The following THNSL1 variants were observed in gnomAD, a reference collection of about 807,000 sequenced individuals.
The protein encoded by THNSL1 is threonine synthase like 1.
A neutral mutation model predicts 50.4 loss-of-function variants in THNSL1; 48 were observed. The observed-to-expected ratio is 0.95, with a 90% CI of 0.76 to 1.21. The LOEUF (loss-of-function observed/expected upper bound fraction) is 1.21, where lower values mean the gene tolerates loss of function less well. Ranked by LOEUF, THNSL1 falls within the 50% of genes most tolerant of loss-of-function variation. The pLI is 0.00. For synonymous variants in THNSL1, 309 were observed against 306.1 expected (o/e 1.01, Z -0.10); for missense variants, 896 against 871.7 (o/e 1.03, Z -0.35).
At chr10:24,963,683 A>G in the THNSL1 span, among the ~76,000 whole-genome samples, 1 of 152,212 alleles carries the variant, frequency 6.6e-6, no homozygotes, top group Non-Finnish European at 1.5e-5. Flanking sequence ...AAATTTTGAC[A>G]TTAAAAGCAA....
chr10:24,989,302 C>A, the THNSL1 span, among the ~76,000 whole-genome samples: 1 of 152,174 alleles, frequency 6.6e-6, no homozygotes, highest in African/African-American at 2.4e-5. Flanking sequence ...TTGCAGCAGA[C>A]CATTTCTGAA....
At chr10:24,996,169 C>T in the THNSL1 span, among the ~76,000 whole-genome samples, 6 of 152,030 alleles carry the variant, frequency 3.9e-5, no homozygotes, top group Non-Finnish European at 8.8e-5. Flanking sequence ...TTGAGGAGGC[C>T]GGGCACGGTG....
chr10:24,997,105 T>C, the THNSL1 span, among the ~76,000 whole-genome samples: 2 of 152,172 alleles, frequency 1.3e-5, no homozygotes, highest in African/African-American at 4.8e-5. Context: ...TCCCAGCTAC[T>C]TGGGAGGCTG....
At chr10:24,988,382 A>G in the THNSL1 span, among the ~76,000 whole-genome samples, 3 of 144,912 alleles carry the variant, frequency 2.1e-5, no homozygotes, top group Non-Finnish European at 3.0e-5. Context: ...ATATGTATAT[A>G]TGTGTATATA....
the THNSL1 span, among the ~76,000 whole-genome samples, chr10:24,966,600 G>A: frequency 5.1e-4 from 78 of 152,184 alleles, no homozygotes; most frequent in Non-Finnish European, 8.7e-4. Flanking sequence ...GGATTAAAAC[G>A]GATGGAATAT....
chr10:25,017,492 G>A (rs1420349410), intron 1 of THNSL1, among the ~76,000 whole-genome samples: 4 of 152,062 alleles, frequency 2.6e-5, no homozygotes, highest in Non-Finnish European at 5.9e-5. Context: ...GTTGGCTGGC[G>A]GAGTGATTAA....
chr10:24,989,446 G>A, the THNSL1 span, among the ~76,000 whole-genome samples: 2,562 of 152,246 alleles, frequency 0.017, 78 homozygotes, highest in African/African-American at 0.059. Context: ...CCCAGCTAAC[G>A]ATCTACAATC....
chr10:24,999,653 CG>C, the THNSL1 span: 1 of 1,042,646 alleles, frequency 9.6e-7, no homozygotes, highest in Non-Finnish European at 1.4e-6. Context: ...AGTCTATATT[CG>C]TATGGAAAAG....
the THNSL1 span, among the ~76,000 whole-genome samples, chr10:25,010,686 C>G: frequency 0.022 from 3,091 of 141,928 alleles, 75 homozygotes; most frequent in Non-Finnish European, 0.035. Flanking sequence ...TGAGTGAGAA[C>G]ATGCGGTGTT....
the THNSL1 span, among the ~76,000 whole-genome samples, chr10:25,005,262 T>G: frequency 1.5e-4 from 23 of 152,296 alleles, no homozygotes; most frequent in Admixed American, 1.2e-3. Flanking sequence ...TAAGTTATTC[T>G]CAAACTAAAA....
chr10:24,969,037 G>T, the THNSL1 span, among the ~76,000 whole-genome samples: 2 of 152,206 alleles, frequency 1.3e-5, no homozygotes, highest in Non-Finnish European at 1.5e-5. Context: ...GGGATTACAA[G>T]TATGTGCCAC....
In THNSL1 at chr10:25,023,249, A is replaced by C. The variant is rs1042909893; in HGVS notation, c.26A>C (p.His9Pro). The C allele has an allele frequency of 6.2e-7, 1 of 1,612,628 alleles. No individual in the cohort carries two copies. The highest frequency in any genetic ancestry group is 1.3e-5 in the African/African-American group (1 of 74,888). ...ATGCTCCACTTTAACCGATGTCATCATCTGAAAAAGATAACACAGAAATGT... is the reference window on the plus strand; with the variant it reads ...ATGCTCCACTTTAACCGATGTCATCCTCTGAAAAAGATAACACAGAAATGT... Reference protein sequence around the residue: MLHFNRCHHLKKITQKCFS... With the variant: MLHFNRCHPLKKITQKCFS... The change falls in exon 3 of 3, where the codon CAT (histidine) becomes CCT (proline). Residue 9 changes from histidine (H) to proline (P), a missense_variant. Transcript: ENST00000376356.
At chr10:24,971,110 T>A in the THNSL1 span, among the ~76,000 whole-genome samples, 1 of 152,154 alleles carries the variant, frequency 6.6e-6, no homozygotes. Context: ...CACTGCTTTT[T>A]TTTTTTTGAG....
At chr10:24,995,816 C>T in the THNSL1 span, 2 of 1,613,968 alleles carry the variant, frequency 1.2e-6, no homozygotes, top group Admixed American at 3.3e-5. Flanking sequence ...ACAGGATGAT[C>T]AGTCTTCAAT....
the THNSL1 span, chr10:24,984,215 A>G: frequency 4.4e-3 from 3,315 of 751,852 alleles, 93 homozygotes; most frequent in African/African-American, 0.049. Flanking sequence ...CTCACTGGGA[A>G]TAACTGCAAA....
chr10:24,984,430 G>A, the THNSL1 span: 6 of 1,548,696 alleles, frequency 3.9e-6, no homozygotes, highest in East Asian at 1.4e-4. Flanking sequence ...TTATTTTTCA[G>A]GACCTAGAAA....
At chr10:25,016,289 G>A (rs1276307223), upstream of THNSL1, 5 of 558,184 alleles carry the variant, frequency 9.0e-6, no homozygotes, top group East Asian at 4.0e-4. Context: ...CTGTTTTTAC[G>A]TGCCTTTGAA....
upstream of THNSL1, among the ~76,000 whole-genome samples, chr10:25,012,091 G>A (rs374708530): frequency 1.4e-4 from 21 of 152,370 alleles, no homozygotes; most frequent in East Asian, 5.8e-4. Flanking sequence ...CAGAGGGTGC[G>A]AGCCCCAAGC....
the THNSL1 span, among the ~76,000 whole-genome samples, chr10:24,969,081 A>G: frequency 1.3e-5 from 2 of 152,120 alleles, no homozygotes; most frequent in African/African-American, 2.4e-5. Context: ...TTTAGTAAAG[A>G]CAAGGTTTCA....
Sources: allele counts gnomAD v4.1 joint callset (sites outside exome capture counted in the v4.1 genomes callset), GRCh38; gene constraint gnomAD v4.1.1; transcripts MANE v1.5; gene names NCBI Gene and HGNC (gene_info 2026-07-23, HGNC 2026-07-21).